Variants in MYO16 observed in about 807,000 individuals in gnomAD.
MYO16 encodes myosin XVI, also known as unconventional myosin-XVI.
Under a neutral mutation model 205.3 loss-of-function variants are expected in MYO16, and 94 were observed. The observed-to-expected ratio is 0.46, with a 90% CI of 0.39 to 0.54. MYO16 has a LOEUF of 0.54. Ranked by LOEUF, MYO16 falls within the 20% of genes least tolerant of loss-of-function variation. The pLI, the probability that MYO16 is intolerant of heterozygous loss-of-function variation, is 0.00. For missense variants in MYO16, 2,315 were observed against 2,387.5 expected, an observed-to-expected ratio of 0.97 and a Z score of 0.63; for synonymous variants, 988 against 954.0, an observed-to-expected ratio of 1.04 and a Z score of -0.66.
At chr13:109,102,464 A>G (rs1230833221) in intron 28 of MYO16, among the ~76,000 whole-genome samples, 2 of 143,088 alleles carry the variant, frequency 1.4e-5, no homozygotes, top group Non-Finnish European at 3.0e-5. Flanking sequence ...AATGATATAC[A>G]TATATGTATA....
At chr13:108,708,256 G>C (rs1039956781) in intron 2 of MYO16, among the ~76,000 whole-genome samples, 1 of 142,702 alleles carries the variant, frequency 7.0e-6, no homozygotes, top group African/African-American at 2.5e-5. Flanking sequence ...CCTGCTTCTT[G>C]CTTCTCTTCT....
At chr13:109,045,993 C>T (rs1054188851) in intron 23 of MYO16, among the ~76,000 whole-genome samples, 3 of 152,216 alleles carry the variant, frequency 2.0e-5, no homozygotes, top group Admixed American at 6.5e-5. Flanking sequence ...GGCAAATTCT[C>T]CCTCACGGCG....
chr13:108,803,950 A>T (rs1404014754), intron 6 of MYO16, among the ~76,000 whole-genome samples: 1 of 152,158 alleles, frequency 6.6e-6, no homozygotes, highest in African/African-American at 2.4e-5. Context: ...ACATACAAAA[A>T]TGATGGTATG....
chr13:108,813,421 A>G (rs779206131), intron 7 of MYO16, among the ~76,000 whole-genome samples: 8 of 152,084 alleles, frequency 5.3e-5, no homozygotes, highest in Non-Finnish European at 1.0e-4. Context: ...TTAACATTAT[A>G]TTTTCCTCTT....
At chr13:108,864,072 A>G (rs572787923) in intron 11 of MYO16, among the ~76,000 whole-genome samples, 1 of 152,216 alleles carries the variant, frequency 6.6e-6, no homozygotes, top group East Asian at 1.9e-4. Context: ...TGTTTTCTGA[A>G]TGAGTTTTGC....
At chr13:109,059,644 A>T (rs893271321) in intron 27 of MYO16, among the ~76,000 whole-genome samples, 13 of 152,090 alleles carry the variant, frequency 8.5e-5, no homozygotes, top group African/African-American at 3.1e-4. Flanking sequence ...AGTTCCTTGT[A>T]GATTCTGGAT....
chr13:108,926,965 T>C (rs1332916014), intron 16 of MYO16, among the ~76,000 whole-genome samples: 1 of 152,174 alleles, frequency 6.6e-6, no homozygotes, highest in East Asian at 1.9e-4. Flanking sequence ...AATGAATTTC[T>C]AGAGTCCCGG....
At chr13:108,906,687 A>G (rs1216233702) in intron 15 of MYO16, among the ~76,000 whole-genome samples, 1 of 152,196 alleles carries the variant, frequency 6.6e-6, no homozygotes, top group East Asian at 1.9e-4. Flanking sequence ...AAATGAGGCA[A>G]TGTTAGAAGG....
intron 9 of MYO16, among the ~76,000 whole-genome samples, chr13:108,832,949 T>C (rs1342300989): frequency 6.6e-6 from 1 of 152,154 alleles, no homozygotes; most frequent in African/African-American, 2.4e-5. Context: ...AGTCCAGTAG[T>C]GCACAAAGAG....
At chr13:109,189,002 G>T (rs959648139) in intron 34 of MYO16, among the ~76,000 whole-genome samples, 3 of 152,014 alleles carry the variant, frequency 2.0e-5, no homozygotes, top group African/African-American at 7.2e-5. Flanking sequence ...GCTGAGGCAG[G>T]AGAATTGCTT....
At chr13:108,705,666 G>A (rs1883481768) in intron 2 of MYO16, among the ~76,000 whole-genome samples, 1 of 152,018 alleles carries the variant, frequency 6.6e-6, no homozygotes, top group African/African-American at 2.4e-5. Flanking sequence ...TGGAGATCTT[G>A]GACTGTATCC....
intron 27 of MYO16, chr13:109,065,508 G>T: frequency 2.4e-6 from 1 of 422,944 alleles, no homozygotes; most frequent in Admixed American, 3.1e-5. Flanking sequence ...GAAAGAAAGG[G>T]TAATAGGAGG....
chr13:108,879,165 T>C (rs1879475733), intron 12 of MYO16, among the ~76,000 whole-genome samples: 1 of 152,198 alleles, frequency 6.6e-6, no homozygotes, highest in Non-Finnish European at 1.5e-5. Context: ...ACAGCAAGGA[T>C]TGGTTACCTG....
intron 16 of MYO16, among the ~76,000 whole-genome samples, chr13:108,914,456 C>T (rs2139244752): frequency 6.6e-6 from 1 of 152,190 alleles, no homozygotes; most frequent in South Asian, 2.1e-4. Flanking sequence ...ACACTAAGTC[C>T]TAAAGCAAAC....
At chr13:108,671,220 T>A (rs1881975513) in intron 2 of MYO16, among the ~76,000 whole-genome samples, 3 of 152,162 alleles carry the variant, frequency 2.0e-5, no homozygotes, top group Admixed American at 2.0e-4. Context: ...AATGATTATG[T>A]TAAGGTGCTC....
At chr13:108,554,634 T>C in the MYO16 span, among the ~76,000 whole-genome samples, 14 of 151,842 alleles carry the variant, frequency 9.2e-5, no homozygotes, top group African/African-American at 2.9e-4. Flanking sequence ...CGGATCACGA[T>C]GTCAGGAGAT....
chr13:108,621,597 G>T (rs548395749), intron 1 of MYO16, among the ~76,000 whole-genome samples: 3 of 151,888 alleles, frequency 2.0e-5, no homozygotes, highest in Non-Finnish European at 4.4e-5. Flanking sequence ...CATCCACGTC[G>T]TCTACTCCTG....
At chr13:109,151,522 A>T (rs571484952) in intron 32 of MYO16, among the ~76,000 whole-genome samples, 1 of 152,292 alleles carries the variant, frequency 6.6e-6, no homozygotes, top group East Asian at 1.9e-4. Context: ...ACTGCGAGAG[A>T]CACCTGAGAA....
chr13:108,655,619 G>C (rs1881208933), intron 1 of MYO16, among the ~76,000 whole-genome samples: 2 of 152,098 alleles, frequency 1.3e-5, no homozygotes, highest in African/African-American at 4.8e-5. Context: ...TCGACAGCTT[G>C]CACCACACAC....
Sources: gnomAD v4.1 joint callset for allele counts (sites outside exome capture counted in the v4.1 genomes callset) on GRCh38, gnomAD v4.1.1 for gene constraint, MANE v1.5 for transcripts, NCBI Gene and HGNC (gene_info 2026-07-23, HGNC 2026-07-21) for gene names.